Variants in ZFHX3 observed in about 807,000 individuals in gnomAD.
ZFHX3 encodes the protein zinc finger homeobox 3.
In ZFHX3, 42 loss-of-function variants were observed where a neutral mutation model predicts 279.1. The observed-to-expected ratio is 0.15, with a 90% CI of 0.12 to 0.19. The LOEUF is 0.19. Among genes scored for constraint, ZFHX3 ranks in the 10% least tolerant of loss-of-function variants. ZFHX3 has a pLI of 1.00. For synonymous variants in ZFHX3, 2,293 were observed against 1,957.8 expected (o/e 1.17, Z -4.52); for missense variants, 4,981 against 4,754.0 (o/e 1.05, Z -1.40).
intron 3 of ZFHX3, among the ~76,000 whole-genome samples, chr16:72,922,607 A>G (rs1439893646): frequency 3.9e-5 from 6 of 152,136 alleles, no homozygotes; most frequent in Non-Finnish European, 8.8e-5. Context: ...CACGAACCTG[A>G]GTGTGGCCAA....
intron 3 of ZFHX3, among the ~76,000 whole-genome samples, chr16:73,354,271 A>C (rs2143294729): frequency 6.6e-6 from 1 of 152,386 alleles, no homozygotes; most frequent in African/African-American, 2.4e-5. Context: ...AGACAGAGGC[A>C]TTATGAGGTT....
intron 5 of ZFHX3, among the ~76,000 whole-genome samples, chr16:73,250,125 C>A (rs1020016770): frequency 6.6e-6 from 1 of 152,204 alleles, no homozygotes; most frequent in Admixed American, 6.5e-5. Context: ...ACTTTCCCCA[C>A]AAGTCTGTGA....
chr16:73,472,102 C>T (rs531661299), intron 2 of ZFHX3, among the ~76,000 whole-genome samples: 60 of 152,108 alleles, frequency 3.9e-4, no homozygotes, highest in South Asian at 4.2e-4. Flanking sequence ...ATTTAAAGAT[C>T]TACTGAATGT....
At chr16:73,734,999 A>G (rs1340061604) in intron 1 of ZFHX3, among the ~76,000 whole-genome samples, 1 of 152,230 alleles carries the variant, frequency 6.6e-6, no homozygotes, top group Non-Finnish European at 1.5e-5. Context: ...AAAACTACCA[A>G]TACAACAGAC....
chr16:72,800,138 C>T lies in ZFHX3; in HGVS notation c.3865-9G>A. On this transcript the variant is annotated splice_polypyrimidine_tract_variant and intron_variant, in intron 7 of 9. Transcript: ENST00000268489. ...ATCTCAGGGGTGGTCACCTGAGGAGCAAGAGCAAGGAGAGTCAAATGGAGA... is the reference window on the plus strand; with the variant it reads ...ATCTCAGGGGTGGTCACCTGAGGAGTAAGAGCAAGGAGAGTCAAATGGAGA... The T allele has an allele frequency of 6.2e-7, 1 of 1,609,580 alleles. No individual in the cohort carries two copies. Among genetic ancestry groups the T allele is most frequent in the Non-Finnish European group, 8.5e-7 (1 of 1,175,986 alleles).
intron 5 of ZFHX3, among the ~76,000 whole-genome samples, chr16:73,231,875 G>C (rs1334479577): frequency 6.6e-6 from 1 of 152,156 alleles, no homozygotes; most frequent in African/African-American, 2.4e-5. Context: ...TAGCCTCGAT[G>C]AGTAGGCAGC....
intron 1 of ZFHX3, among the ~76,000 whole-genome samples, chr16:73,041,901 T>C (rs1246110175): frequency 6.6e-6 from 1 of 152,164 alleles, no homozygotes; most frequent in Non-Finnish European, 1.5e-5. Context: ...GCATTGCTTC[T>C]TGAGTAGTTA....
rs1007847220 is a variant in ZFHX3 at position 73,130,283 on chromosome 16, T to C, written c.-897+685A>G. Among the ~76,000 whole-genome samples, 43 of 151,680 alleles carry C rather than the reference T, an allele frequency of 2.8e-4. 1 individual carries two copies. Among genetic ancestry groups the C allele is most frequent in the African/African-American group, 1.0e-3 (43 of 41,310 alleles). On this transcript the variant is annotated intron_variant, in intron 7 of 17. Transcript: ENST00000641206. ...AAAAAAAACATCAGGGAAAATACCA[T>C]GTTTGGAAAGAGAGCTGTACTCCGA...
Position 73,831,217 on chromosome 16 carries a change from G to C in ZFHX3, c.-1608+60434C>G, listed in dbSNP as rs1054228822. 8.5e-5 allele frequency among the ~76,000 whole-genome samples: 13 copies of C among 152,252 alleles called. 1 individual carries two copies. The highest frequency in any genetic ancestry group is 3.9e-4 in the Admixed American group (6 of 15,300). The stretch of plus-strand genomic sequence containing the variant: ...TCAAGGCTAAAGGGATTTGAAAAGG[G>C]CAACAGAAAAATCACATAATTGATG... On this transcript the variant is annotated intron_variant, in intron 1 of 17. Transcript: ENST00000641206.
chr16:73,236,794 C>G (rs1296061413), intron 5 of ZFHX3, among the ~76,000 whole-genome samples: 1 of 152,068 alleles, frequency 6.6e-6, no homozygotes, highest in Non-Finnish European at 1.5e-5. Context: ...CTTACCCATC[C>G]ACAGCACTCT....
chr16:73,534,343 T>G (rs1484710417), intron 2 of ZFHX3, among the ~76,000 whole-genome samples: 1 of 152,196 alleles, frequency 6.6e-6, no homozygotes, highest in African/African-American at 2.4e-5. Flanking sequence ...ATCCTCTCAA[T>G]GAGTTCTACC....
At chr16:73,418,289 G>A (rs957065039) in intron 3 of ZFHX3, among the ~76,000 whole-genome samples, 3 of 152,190 alleles carry the variant, frequency 2.0e-5, no homozygotes, top group East Asian at 3.9e-4. Context: ...GCTGGTAGAC[G>A]GTGGTACCAG....
intron 7 of ZFHX3, chr16:72,809,383 A>G (rs1597259734): frequency 6.6e-6 from 1 of 152,198 alleles, no homozygotes; most frequent in Non-Finnish European, 1.5e-5. Flanking sequence ...GGGAAGTACA[A>G]TGAGGCCTGT....
chr16:73,370,690 C>T (rs1347746912), intron 3 of ZFHX3, among the ~76,000 whole-genome samples: 1 of 152,162 alleles, frequency 6.6e-6, no homozygotes, highest in Non-Finnish European at 1.5e-5. Context: ...GGCTTCTATC[C>T]CCACGGTGCC....
chr16:73,013,052 T>C (rs752046289), intron 1 of ZFHX3, among the ~76,000 whole-genome samples: 4 of 152,156 alleles, frequency 2.6e-5, no homozygotes, highest in African/African-American at 7.2e-5. Flanking sequence ...GGACATTTCA[T>C]CTGGGCGCTC....
At chr16:73,786,499 T>C (rs1959651094) in intron 1 of ZFHX3, among the ~76,000 whole-genome samples, 1 of 152,208 alleles carries the variant, frequency 6.6e-6, no homozygotes. Context: ...ACAGTATCTG[T>C]ACATCTTTTA....
At chr16:73,013,135 G>C (rs1238582953) in intron 1 of ZFHX3, among the ~76,000 whole-genome samples, 1 of 152,146 alleles carries the variant, frequency 6.6e-6, no homozygotes, top group Non-Finnish European at 1.5e-5. Context: ...GGGCAGAGAG[G>C]AGGCCACCAT....
intron 1 of ZFHX3, among the ~76,000 whole-genome samples, chr16:72,963,975 C>T (rs1333273441): frequency 6.6e-6 from 1 of 152,196 alleles, no homozygotes; most frequent in African/African-American, 2.4e-5. Context: ...GGAGGAAAAA[C>T]AAAGAGAGAA....
At chr16:73,429,339 T>C (rs1056673310) in intron 3 of ZFHX3, among the ~76,000 whole-genome samples, 5 of 152,106 alleles carry the variant, frequency 3.3e-5, no homozygotes, top group African/African-American at 9.7e-5. Context: ...CAGATATATA[T>C]ATAATTTTTA....
Sources: allele counts gnomAD v4.1 joint callset (sites outside exome capture counted in the v4.1 genomes callset), GRCh38; gene constraint gnomAD v4.1.1; transcripts MANE v1.5; gene names NCBI Gene and HGNC (gene_info 2026-07-23, HGNC 2026-07-21).